VAPA: variants seen among roughly 807,000 people sequenced by gnomAD.
The protein encoded by VAPA is VAMP associated protein A.
Under a neutral mutation model 25.6 loss-of-function variants are expected in VAPA, and 6 were observed. The ratio of observed to expected loss-of-function variants is 0.23; its 90% confidence interval spans 0.13 to 0.46. VAPA has a LOEUF of 0.46. Ranked by LOEUF, VAPA falls within the 20% of genes least tolerant of loss-of-function variation. VAPA has a pLI of 0.99. For synonymous variants in VAPA, 112 were observed against 106.2 expected, an observed-to-expected ratio of 1.05 and a Z score of -0.34; for missense variants, 244 against 302.1, an observed-to-expected ratio of 0.81 and a Z score of 1.43.
intron 4 of VAPA, among the ~76,000 whole-genome samples, chr18:9,937,780 G>A (rs2069326675): frequency 6.6e-6 from 1 of 151,802 alleles, no homozygotes; most frequent in Admixed American, 6.6e-5. Context: ...ACAATAATAT[G>A]GATAAATAGA....
chr18:9,926,461 A>G (rs577235722), intron 1 of VAPA, among the ~76,000 whole-genome samples: 1 of 152,244 alleles, frequency 6.6e-6, no homozygotes, highest in African/African-American at 2.4e-5. Context: ...AGGGACTGAA[A>G]ATTTAGCCTG....
rs1388579480 is a variant in VAPA, at chr18:9,944,270, G to C, written c.418-6125G>C. ...GATTTCAGGGGTCTTATCATAAAAT[G>C]GTTGAATATACATTATTTTCTGTTG... is the stretch of plus-strand genomic sequence containing the variant. On this transcript the variant is annotated intron_variant, in intron 4 of 5. Transcript: ENST00000400000. 3.3e-5 allele frequency among the ~76,000 whole-genome samples: 5 copies of C among 152,084 alleles called. No individual in the cohort carries two copies. The East Asian group carries it at 9.6e-4, about 29-fold the overall frequency.
intron 1 of VAPA, among the ~76,000 whole-genome samples, chr18:9,916,951 A>G (rs940686390): frequency 2.0e-5 from 3 of 152,264 alleles, no homozygotes; most frequent in Non-Finnish European, 4.4e-5. Flanking sequence ...TTGAAGATGA[A>G]TTAACAGTAT....
chr18:9,924,312 G>A (rs29194), intron 1 of VAPA, among the ~76,000 whole-genome samples: 1 of 151,860 alleles, frequency 6.6e-6, no homozygotes, highest in Non-Finnish European at 1.5e-5. Context: ...TTTTAATCAA[G>A]ATGTTAAATT....
At chr18:9,951,746 T>G (rs2069492587) in intron 5 of VAPA, among the ~76,000 whole-genome samples, 1 of 152,246 alleles carries the variant, frequency 6.6e-6, no homozygotes, top group Non-Finnish European at 1.5e-5. Flanking sequence ...GTTATTTGAT[T>G]ATTCCTTTTG....
intron 4 of VAPA, among the ~76,000 whole-genome samples, chr18:9,943,763 C>G (rs2069389169): frequency 6.8e-6 from 1 of 147,542 alleles, no homozygotes; most frequent in African/African-American, 2.5e-5. Flanking sequence ...GGCCTTAACT[C>G]TGACATTTTC....
intron 5 of VAPA, 63 bp from the exon 6 acceptor site, chr18:9,953,990 C>T (rs1345622300): frequency 5.0e-6 from 8 of 1,588,664 alleles, no homozygotes; most frequent in African/African-American, 4.1e-5. Flanking sequence ...AGATTTTTAG[C>T]TCCAGTAGTC....
At chr18:9,939,117 ATTTT>A (rs903157345) in intron 4 of VAPA, among the ~76,000 whole-genome samples, 1 of 151,074 alleles carries the variant, frequency 6.6e-6, no homozygotes, top group Non-Finnish European at 1.5e-5. Context: ...TGTCATTAAA[ATTTT>A]TTTTTCTGCA....
At chr18:9,948,215 TATTAGA>T (rs2069446816) in intron 4 of VAPA, 1 of 152,228 alleles carries the variant, frequency 6.6e-6, no homozygotes, top group South Asian at 2.1e-4. Flanking sequence ...AGTCTAATTC[TATTAGA>T]ATTAGAAAAA....
intron 1 of VAPA, among the ~76,000 whole-genome samples, chr18:9,921,462 A>G (rs2069156196): frequency 6.6e-6 from 1 of 152,266 alleles, no homozygotes; most frequent in Non-Finnish European, 1.5e-5. Context: ...AAATGCATAT[A>G]AAGAATAGGG....
intron 4 of VAPA, among the ~76,000 whole-genome samples, chr18:9,940,036 A>G (rs1210063140): frequency 6.6e-6 from 1 of 152,230 alleles, no homozygotes; most frequent in African/African-American, 2.4e-5. Flanking sequence ...GTAGAGTTTA[A>G]AAAGGCAGAA....
intron 2 of VAPA, among the ~76,000 whole-genome samples, chr18:9,933,269 G>A (rs2069275249): frequency 6.6e-6 from 1 of 152,090 alleles, no homozygotes; most frequent in South Asian, 2.1e-4. Flanking sequence ...TGACTACAAA[G>A]GCCATGAAGG....
At chr18:9,928,048 CTAA>C (rs1342432324) in intron 1 of VAPA, among the ~76,000 whole-genome samples, 1 of 151,936 alleles carries the variant, frequency 6.6e-6, no homozygotes, top group Non-Finnish European at 1.5e-5. Flanking sequence ...TGACATATCT[CTAA>C]TATAAGTTTC....
chr18:9,946,663 T>C (rs974719543), intron 4 of VAPA, among the ~76,000 whole-genome samples: 7 of 152,076 alleles, frequency 4.6e-5, no homozygotes, highest in Non-Finnish European at 8.8e-5. Context: ...GGGCACTTAC[T>C]GTGAATGGAT....
intron 1 of VAPA, among the ~76,000 whole-genome samples, chr18:9,918,608 A>C (rs2069132061): frequency 6.6e-6 from 1 of 152,004 alleles, no homozygotes; most frequent in Admixed American, 6.5e-5. Flanking sequence ...TATTTGTGGC[A>C]TTTTCCTCAA....
At chr18:9,920,759 A>G (rs1166740271) in intron 1 of VAPA, among the ~76,000 whole-genome samples, 2 of 152,248 alleles carry the variant, frequency 1.3e-5, no homozygotes, top group Non-Finnish European at 2.9e-5. Context: ...CTCCAGCCTC[A>G]GTGTCTATTC....
chr18:9,944,228 C>T (rs2069398138), intron 4 of VAPA, among the ~76,000 whole-genome samples: 1 of 151,968 alleles, frequency 6.6e-6, no homozygotes, highest in Non-Finnish European at 1.5e-5. Flanking sequence ...ACAGGGATTT[C>T]AGGGGTCTTA....
chr18:9,918,798 A>C lies in VAPA; in HGVS notation c.79+4463A>C, dbSNP rs374428343. ...TCAGTCAAGAGCACATACTCAAACAACTTATTCACTATTTAGATTTGAATA... is the reference window on the plus strand; with the variant it reads ...TCAGTCAAGAGCACATACTCAAACACCTTATTCACTATTTAGATTTGAATA... On this transcript the variant is annotated intron_variant, in intron 1 of 5. Transcript: ENST00000400000. Among the ~76,000 whole-genome samples, 31 of 152,344 alleles carry C rather than the reference A, an allele frequency of 2.0e-4. No homozygotes were observed. In the East Asian group the frequency reaches 2.9e-3, roughly 14 times the overall value.
At chr18:9,916,991 A>T (rs928561609) in intron 1 of VAPA, among the ~76,000 whole-genome samples, 1 of 152,306 alleles carries the variant, frequency 6.6e-6, no homozygotes, top group Non-Finnish European at 1.5e-5. Context: ...GCAGACACCA[A>T]CTATTTCAGT....
Sources: allele counts gnomAD v4.1 joint callset (sites outside exome capture counted in the v4.1 genomes callset), GRCh38; gene constraint gnomAD v4.1.1; transcripts MANE v1.5; gene names NCBI Gene and HGNC (gene_info 2026-07-23, HGNC 2026-07-21).